FTO: variants seen among roughly 807,000 people sequenced by gnomAD.
The protein encoded by FTO is FTO alpha-ketoglutarate dependent dioxygenase.
FTO carries 47 observed loss-of-function variants against 63.9 expected under a neutral mutation model. The ratio of observed to expected loss-of-function variants is 0.74; its 90% CI spans 0.58 to 0.94. The LOEUF (loss-of-function observed/expected upper bound fraction) is 0.94. Ranked by LOEUF, FTO falls within the 40% of genes least tolerant of loss-of-function variation. The probability of loss-of-function intolerance (pLI) is 0.00; values close to 1 mark genes in which losing one functional copy is unlikely to be tolerated. For synonymous variants in FTO, 207 were observed against 224.4 expected (o/e 0.92, Z 0.69); for missense variants, 562 against 618.1 (o/e 0.91, Z 0.96).
intron 8 of FTO, chr16:53,985,084 A>C: frequency 2.3e-6 from 1 of 428,354 alleles, no homozygotes; most frequent in African/African-American, 2.0e-5. Flanking sequence ...TGTTTGTTCC[A>C]GTATGTGTAG....
intron 4 of FTO, among the ~76,000 whole-genome samples, chr16:53,869,541 G>GTTTTTTTTTTT (rs35983302): frequency 8.0e-6 from 1 of 125,226 alleles, no homozygotes; most frequent in Non-Finnish European, 1.7e-5. Context: ...CCATAGTTCT[G>GTTTTTTTTTTT]TTTTTTTTTT....
intron 1 of FTO, among the ~76,000 whole-genome samples, chr16:53,790,759 C>T (rs1285145773): frequency 6.6e-6 from 1 of 151,918 alleles, no homozygotes; most frequent in Non-Finnish European, 1.5e-5. Context: ...TCAGAGTTAT[C>T]GGTAATGAAC....
intron 8 of FTO, among the ~76,000 whole-genome samples, chr16:54,104,313 C>CTT (rs71146725): frequency 1.1e-4 from 14 of 132,060 alleles, no homozygotes; most frequent in South Asian, 2.5e-4. Flanking sequence ...CCTGAGGCCT[C>CTT]TTTTTTTTTT....
intron 8 of FTO, among the ~76,000 whole-genome samples, chr16:53,982,183 A>C (rs1433893177): frequency 6.6e-6 from 1 of 152,176 alleles, no homozygotes; most frequent in African/African-American, 2.4e-5. Context: ...TGTTATTAGA[A>C]GGCATTAAGA....
Position 53,787,978 on chromosome 16 carries a change from C to T in FTO, c.46-22162C>T, listed in dbSNP as rs187350085. 5.5e-4 allele frequency among the ~76,000 whole-genome samples: 84 copies of T among 152,304 alleles called. 2 individuals are homozygous for T. The highest frequency in any genetic ancestry group is 1.1e-3 in the Non-Finnish European group (77 of 68,026). On this transcript the variant is annotated intron_variant, in intron 1 of 8. Transcript: ENST00000471389. ...CTGTCCTGCTCAAGTCTCCTTCCTT[C>T]ACTTAACCATATATTGTGGGTACTC...
At chr16:53,762,338 C>T (rs1032950104) in intron 1 of FTO, among the ~76,000 whole-genome samples, 2 of 151,694 alleles carry the variant, frequency 1.3e-5, no homozygotes, top group African/African-American at 4.9e-5. Context: ...TTTAATAGTC[C>T]CACATATTCT....
intron 8 of FTO, among the ~76,000 whole-genome samples, chr16:53,964,009 T>C (rs2083143344): frequency 1.3e-5 from 2 of 152,186 alleles, no homozygotes; most frequent in Admixed American, 6.5e-5. Context: ...TGCCTTGGCC[T>C]CCCAAAGTGC....
intron 3 of FTO, among the ~76,000 whole-genome samples, chr16:53,833,082 C>G (rs1213105602): frequency 1.3e-5 from 2 of 152,128 alleles, no homozygotes; most frequent in East Asian, 3.9e-4. Flanking sequence ...CCGGTCTTTC[C>G]CGTGCTATTC....
intron 8 of FTO, among the ~76,000 whole-genome samples, chr16:53,945,302 G>C (rs1220579227): frequency 6.6e-6 from 1 of 152,202 alleles, no homozygotes; most frequent in Non-Finnish European, 1.5e-5. Flanking sequence ...CATTTATTGA[G>C]AAGTCACTGT....
rs1339526710 is a variant in FTO at position 53,796,047 on chromosome 16, T to C, written c.46-14093T>C. Among the ~76,000 whole-genome samples, 17 of 118,492 alleles carry C rather than the reference T, an allele frequency of 1.4e-4. No individual in the cohort carries two copies. The South Asian group carries it at 4.7e-3, about 33-fold the overall frequency. The allele number at this position is 118,492 out of a possible 152,430, so 77.7% of individuals were successfully genotyped here. On this transcript the variant is annotated intron_variant, in intron 1 of 8. Coordinates refer to ENST00000471389, the MANE Select transcript of FTO (RefSeq NM_001080432.3). ...GGTTTTGTTTTTTTTCTTTCTTTCT[T>C]TCTTTTTTTTTTTTTTTTGGAGACG...
At chr16:53,857,927 C>G (rs921559275) in intron 4 of FTO, among the ~76,000 whole-genome samples, 1 of 151,984 alleles carries the variant, frequency 6.6e-6, no homozygotes, top group African/African-American at 2.4e-5. Context: ...ATTTTTAAAC[C>G]AGTTTTTAAC....
At chr16:53,788,728 T>C (rs2077818534) in intron 1 of FTO, among the ~76,000 whole-genome samples, 1 of 152,132 alleles carries the variant, frequency 6.6e-6, no homozygotes, top group Admixed American at 6.5e-5. Flanking sequence ...TCTACCTGTC[T>C]TTAGTATCAT....
chr16:53,919,061 G>A (rs1020069750), intron 7 of FTO, among the ~76,000 whole-genome samples: 12 of 152,164 alleles, frequency 7.9e-5, no homozygotes, highest in African/African-American at 2.9e-4. Context: ...GTATATGTTA[G>A]TTTTGGGCAC....
intron 8 of FTO, among the ~76,000 whole-genome samples, chr16:54,082,640 C>T (rs1294641941): frequency 6.6e-6 from 1 of 152,156 alleles, no homozygotes; most frequent in African/African-American, 2.4e-5. Flanking sequence ...TAAGGTTAAA[C>T]AGATGTAGGG....
rs771235427 is a variant in FTO, at chr16:53,825,962, G to A, written c.222G>A (p.Lys74=). The part of the protein sequence containing the change: ...EVQEAFLTLH[K]HGCLFRDLVR... ...AAGAAGCCTTTCTCACACTGCACAA[G>A]CATGGCTGCTTATTTCGGGACCTGG... Residue 74 remains lysine, a synonymous_variant, in exon 3 of 9, where the codon AAG becomes AAA. Coordinates refer to ENST00000471389, the MANE Select transcript of FTO (RefSeq NM_001080432.3). 1 of 1,614,164 alleles carries A rather than the reference G, an allele frequency of 6.2e-7. No homozygotes were observed. Among genetic ancestry groups the A allele is most frequent in the Non-Finnish European group, 8.5e-7 (1 of 1,180,040 alleles).
chr16:53,747,858 G>A (rs1421011485), intron 1 of FTO, among the ~76,000 whole-genome samples: 1 of 152,016 alleles, frequency 6.6e-6, no homozygotes, highest in East Asian at 1.9e-4. Flanking sequence ...GTGAGATAAG[G>A]GTTCAATTTT....
intron 4 of FTO, among the ~76,000 whole-genome samples, chr16:53,854,973 A>G (rs2151840922): frequency 6.6e-6 from 1 of 151,778 alleles, no homozygotes; most frequent in South Asian, 2.1e-4. Flanking sequence ...AGTGTTTTAT[A>G]GTTCTCTTTG....
chr16:53,852,021 A>G (rs181198152), intron 4 of FTO, among the ~76,000 whole-genome samples: 3 of 151,132 alleles, frequency 2.0e-5, no homozygotes, highest in South Asian at 4.2e-4. Flanking sequence ...TAAGAATGAC[A>G]GAAACAGGCA....
intron 8 of FTO, chr16:54,013,245 A>G: frequency 6.2e-6 from 1 of 160,734 alleles, no homozygotes; most frequent in Non-Finnish European, 1.3e-5. Flanking sequence ...ATGCGGTGGA[A>G]ATAGCAAAAG....
Sources: allele counts gnomAD v4.1 joint callset (sites outside exome capture counted in the v4.1 genomes callset), GRCh38; gene constraint gnomAD v4.1.1; transcripts MANE v1.5; gene names NCBI Gene and HGNC (gene_info 2026-07-23, HGNC 2026-07-21).